SSH1: variants seen among roughly 807,000 people sequenced by gnomAD.
SSH1 encodes the protein protein phosphatase Slingshot homolog 1.
SSH1 carries 43 observed loss-of-function variants against 79.7 expected under a neutral mutation model. The ratio of observed to expected loss-of-function variants is 0.54; its 90% CI spans 0.42 to 0.70. The LOEUF (loss-of-function observed/expected upper bound fraction) is 0.70. Ranked by LOEUF, SSH1 falls within the 30% of genes least tolerant of loss-of-function variation. The pLI, the probability that SSH1 is intolerant of heterozygous loss-of-function variation, is 0.00. For synonymous variants in SSH1, 599 were observed against 538.3 expected (o/e 1.11, Z -1.56); for missense variants, 1,206 against 1,358.8 (o/e 0.89, Z 1.77).
At chr12:108,818,361 T>C (rs758697625) in intron 3 of SSH1, 48 bp from the exon 4 acceptor site, 15 of 1,565,726 alleles carry the variant, frequency 9.6e-6, no homozygotes, top group Admixed American at 8.6e-5. Flanking sequence ...ACCTACTCTC[T>C]AGGAAAAAAA....
rs924239412 is a variant in SSH1 at position 108,827,677 on chromosome 12, G to A, written c.111-4316C>T. ...GAAACAAGCACCGGGGTGTGCATTC[G>A]ACATTGTGAGGGCAAACAACTGGCC... On this transcript the variant is annotated intron_variant, in intron 2 of 14. Coordinates refer to ENST00000326495, the MANE Select transcript of SSH1 (RefSeq NM_018984.4). 8 of 667,540 alleles carry A rather than the reference G, an allele frequency of 1.2e-5. No individual in the cohort carries two copies. In the Admixed American group the frequency reaches 2.5e-4, roughly 21 times the overall value. 41.4% of individuals were successfully genotyped at this position (667,540 alleles called of 1,614,324 possible). A position where few individuals can be genotyped will look rare whatever the true frequency, so the allele number is the denominator to read the frequency against.
intron 2 of SSH1, among the ~76,000 whole-genome samples, chr12:108,838,998 A>G (rs1466432392): frequency 2.0e-5 from 3 of 151,964 alleles, no homozygotes; most frequent in Non-Finnish European, 4.4e-5. Context: ...GTTACATTCT[A>G]TTGTTCTCTA....
At chr12:108,816,269 G>A (rs2037880979) in intron 5 of SSH1, among the ~76,000 whole-genome samples, 1 of 152,212 alleles carries the variant, frequency 6.6e-6, no homozygotes, top group African/African-American at 2.4e-5. Context: ...TGTGTGTACT[G>A]TTGCTTCTTT....
At chr12:108,790,595 C>G (rs76563845) in intron 14 of SSH1, among the ~76,000 whole-genome samples, 2,321 of 152,262 alleles carry the variant, frequency 0.015, 71 homozygotes, top group African/African-American at 0.053. Context: ...AGGGTTTTAT[C>G]TCATCTGTCT....
At chr12:108,803,067 AGAG>A (rs1032414344) in intron 10 of SSH1, among the ~76,000 whole-genome samples, 2 of 152,182 alleles carry the variant, frequency 1.3e-5, no homozygotes, top group Non-Finnish European at 2.9e-5. Context: ...AAATTTTAAG[AGAG>A]GAGGATACAG....
intron 13 of SSH1, among the ~76,000 whole-genome samples, chr12:108,798,368 T>C (rs2036840744): frequency 6.6e-6 from 1 of 152,240 alleles, no homozygotes; most frequent in African/African-American, 2.4e-5. Flanking sequence ...AGATGGGGTC[T>C]TGCTCTGTCA....
rs1387222643 is a variant in SSH1 at position 108,783,639 on chromosome 12, T to C, written c.*4349A>G. ...TCTCCAGAACCACCCAGGGCGGCAC[T>C]GGTCACAGTTTCATTCCAGATCGTT... On this transcript the variant is annotated 3_prime_UTR_variant, in exon 15 of 15. Coordinates refer to ENST00000326495, the MANE Select transcript of SSH1 (RefSeq NM_018984.4). 1 of 152,210 alleles carries C rather than the reference T, an allele frequency of 6.6e-6. No homozygotes were observed. Among genetic ancestry groups the C allele is most frequent in the Non-Finnish European group, 1.5e-5 (1 of 68,046 alleles). The allele number at this position is 152,210 out of a possible 1,614,324, so 9.4% of individuals were successfully genotyped here. A position where few individuals can be genotyped will look rare whatever the true frequency, so the allele number is the denominator to read the frequency against.
chr12:108,848,659 G>A (rs141379271), intron 2 of SSH1, among the ~76,000 whole-genome samples: 25 of 152,342 alleles, frequency 1.6e-4, no homozygotes, highest in East Asian at 1.2e-3. Flanking sequence ...CTTGTGTAGC[G>A]AGGAAGGCTA....
At chr12:108,817,220 C>A (rs1310726884) in intron 4 of SSH1, 61 bp from the exon 5 acceptor site, 1 of 1,604,540 alleles carries the variant, frequency 6.2e-7, no homozygotes, top group African/African-American at 1.3e-5. Context: ...TCCCTCCCAT[C>A]TCCAATGCAA....
intron 2 of SSH1, chr12:108,836,882 C>T (rs749906418): frequency 7.5e-6 from 4 of 532,222 alleles, no homozygotes; most frequent in Non-Finnish European, 1.5e-5. Context: ...ACAAGAACAT[C>T]AGACACACTC....
chr12:108,808,360 T>C (rs562609187), intron 7 of SSH1, among the ~76,000 whole-genome samples: 1 of 152,338 alleles, frequency 6.6e-6, no homozygotes, highest in Non-Finnish European at 1.5e-5. Flanking sequence ...TTGGGACATA[T>C]TCACTGATTG....
In SSH1 at chr12:108,806,388, A is replaced by T; in HGVS notation, c.738T>A (p.Thr246=). The T allele has an allele frequency of 6.2e-7, 1 of 1,614,038 alleles. No individual in the cohort carries two copies. Among genetic ancestry groups the T allele is most frequent in the Non-Finnish European group, 8.5e-7 (1 of 1,179,972 alleles). The change falls in exon 9 of 15, where the codon ACT becomes ACA. Residue 246 remains threonine (T), a synonymous_variant. Transcript: ENST00000326495. ...TGAGGCGCTCGGTCCTTTCCCCTTCAGTGGGCCTGGAAAGAAATGACGTTT... is the reference window on the plus strand; with the variant it reads ...TGAGGCGCTCGGTCCTTTCCCCTTCTGTGGGCCTGGAAAGAAATGACGTTT... The part of the protein sequence containing the change: ...DSPALFVDKP[T]EGERTERLIK...
intron 2 of SSH1, among the ~76,000 whole-genome samples, chr12:108,824,464 AAAAG>A (rs527807719): frequency 2.3e-3 from 352 of 151,262 alleles, no homozygotes; most frequent in African/African-American, 7.5e-3. Context: ...CAAAAAAAAA[AAAAG>A]AAAGAAAGAA....
intron 2 of SSH1, among the ~76,000 whole-genome samples, chr12:108,847,376 C>T (rs531764144): frequency 1.3e-5 from 2 of 152,242 alleles, no homozygotes; most frequent in Admixed American, 1.3e-4. Flanking sequence ...CAGAACCCCA[C>T]TGCCTTCCCT....
intron 2 of SSH1, chr12:108,836,905 ACT>A (rs1189412952): frequency 5.6e-6 from 3 of 533,520 alleles, no homozygotes; most frequent in Non-Finnish European, 1.2e-5. Flanking sequence ...ACTGAGGGAC[ACT>A]CTGCAAACTG....
rs374963736 is a variant in SSH1 at position 108,805,182 on chromosome 12, A to T, written c.828T>A (p.Ile276=). The change falls in exon 10 of 15, where the codon ATT becomes ATA. Residue 276 remains isoleucine, a splice_region_variant and synonymous_variant. Transcript: ENST00000326495. ...TCATCTGTTTCTCTAATTCATTACG[A>T]ATCTGTGGAGTAGAAAATATTAGGA... The part of the protein sequence containing the change: ...QDLENVTSKE[I]RNELEKQMNC... 1.9e-6 allele frequency: 3 copies of T among 1,612,836 alleles called. No individual in the cohort carries two copies. The African/African-American group carries it at 4.0e-5, about 22-fold the overall frequency.
At chr12:108,832,527 T>C (rs1190363682) in intron 2 of SSH1, among the ~76,000 whole-genome samples, 2 of 152,080 alleles carry the variant, frequency 1.3e-5, no homozygotes, top group African/African-American at 4.8e-5. Flanking sequence ...AAAACCACTC[T>C]CAGTGAGGCT....
At chr12:108,819,688 G>A (rs540093914) in intron 3 of SSH1, among the ~76,000 whole-genome samples, 3 of 152,228 alleles carry the variant, frequency 2.0e-5, no homozygotes, top group African/African-American at 7.2e-5. Flanking sequence ...AATTAGCTGG[G>A]CTTTCTGGTT....
intron 2 of SSH1, among the ~76,000 whole-genome samples, chr12:108,833,479 AG>A (rs1483724198): frequency 1.3e-5 from 2 of 152,220 alleles, no homozygotes; most frequent in Non-Finnish European, 2.9e-5. Flanking sequence ...CCAGGTTCTC[AG>A]CCCTGTCTAT....
Sources: allele counts gnomAD v4.1 joint callset (sites outside exome capture counted in the v4.1 genomes callset), GRCh38; gene constraint gnomAD v4.1.1; transcripts MANE v1.5; gene names NCBI Gene and HGNC (gene_info 2026-07-23, HGNC 2026-07-21).